Variants in RABEP1 observed in about 807,000 individuals in gnomAD.
The protein encoded by RABEP1 is rabaptin, RAB GTPase binding effector protein 1.
Under a neutral mutation model 123.4 loss-of-function variants are expected in RABEP1, and 51 were observed. The observed-to-expected ratio is 0.41, with a 90% CI of 0.33 to 0.52. The LOEUF (loss-of-function observed/expected upper bound fraction) is 0.52, where lower values mean the gene tolerates loss of function less well. Ranked by LOEUF, RABEP1 falls within the 20% of genes least tolerant of loss-of-function variation. The pLI is 0.16. For synonymous variants in RABEP1, 347 were observed against 355.2 expected (o/e 0.98, Z 0.26); for missense variants, 888 against 996.3 (o/e 0.89, Z 1.46).
chr17:5,324,297 A>T (rs142172064), intron 2 of RABEP1, among the ~76,000 whole-genome samples: 1 of 152,130 alleles, frequency 6.6e-6, no homozygotes, highest in Non-Finnish European at 1.5e-5. Flanking sequence ...TTTGCAGTCA[A>T]CTCATCTGCA....
At position 5,383,495 on chromosome 17, in the gene RABEP1, G is replaced by A. The variant is rs184092543; in HGVS notation, c.*272G>A. 3.9e-3 allele frequency: 1,577 copies of A among 400,050 alleles called. 9 individuals carry two copies. The highest frequency in any genetic ancestry group is 4.6e-3 in the Non-Finnish European group (1,015 of 218,342). The allele number at this position is 400,050 out of a possible 1,614,324, so 24.8% of individuals were successfully genotyped here. A position where few individuals can be genotyped will look rare whatever the true frequency, so the allele number is the denominator to read the frequency against. ...GATCAGATTTGGTGATGGAAAAAGC[G>A]CTGTTTCCTTGCCTGCTTTCTCCAA... is the stretch of plus-strand genomic sequence containing the variant. On this transcript the variant is annotated 3_prime_UTR_variant, in exon 18 of 18. Transcript: ENST00000537505.
chr17:5,296,140 A>G (rs1213956171), intron 1 of RABEP1, among the ~76,000 whole-genome samples: 1 of 152,128 alleles, frequency 6.6e-6, no homozygotes, highest in East Asian at 1.9e-4. Context: ...CTTGGTTGTG[A>G]TGGATTGTTA....
At chr17:5,381,991 G>A (rs1911507337) in intron 17 of RABEP1, among the ~76,000 whole-genome samples, 1 of 152,040 alleles carries the variant, frequency 6.6e-6, no homozygotes. Context: ...CCTCTGCCAT[G>A]CTCCCTCGGG....
intron 1 of RABEP1, among the ~76,000 whole-genome samples, chr17:5,295,535 A>G (rs1484662443): frequency 1.3e-5 from 2 of 148,256 alleles, no homozygotes; most frequent in Non-Finnish European, 3.0e-5. Flanking sequence ...ATCCTGATAC[A>G]TGTGTCTCTA....
At position 5,299,719 on chromosome 17, in the gene RABEP1, C is replaced by CTTTTTTTTTTTTTTTTT. The variant is rs146585957; in HGVS notation, c.35-8970_35-8969insTTTTTTTTTTTTTTTTT. ...TCATTTCTTTTTCTTTTTTTCTTTT[C>CTTTTTTTTTTTTTTTTT]TTTTTCTTTTTCTTTTTTTTTTTTT... is the stretch of plus-strand genomic sequence containing the variant. On this transcript the variant is annotated intron_variant, in intron 1 of 17. Transcript: ENST00000537505. Among the ~76,000 whole-genome samples the CTTTTTTTTTTTTTTTTT allele has an allele frequency of 9.9e-4, 98 of 98,822 alleles. 11 individuals are homozygous for CTTTTTTTTTTTTTTTTT. The highest frequency in any genetic ancestry group is 1.8e-3 in the South Asian group (3 of 1,650). 64.8% of individuals were successfully genotyped at this position (98,822 alleles called of 152,430 possible).
chr17:5,308,957 T>C, intron 2 of RABEP1, 135 bp downstream of exon 2: 2 of 949,244 alleles, frequency 2.1e-6, no homozygotes, highest in South Asian at 4.8e-5. Context: ...GAATACTGTT[T>C]AAAGGCTAGG....
intron 1 of RABEP1, among the ~76,000 whole-genome samples, chr17:5,299,587 G>GAATTCC (rs77865159): frequency 0.44 from 66,471 of 150,766 alleles, 15,469 homozygotes; most frequent in East Asian, 0.79. Flanking sequence ...ACGTGGTTCT[G>GAATTCC]AATTCATTTT....
intron 8 of RABEP1, chr17:5,356,687 C>T (rs113789083): frequency 6.6e-3 from 846 of 128,582 alleles, no homozygotes; most frequent in Middle Eastern, 0.019. Context: ...GGGTCTCACT[C>T]TCACCCAGGC....
intron 17 of RABEP1, among the ~76,000 whole-genome samples, chr17:5,382,831 A>G (rs1911592516): frequency 6.6e-6 from 1 of 151,988 alleles, no homozygotes; most frequent in South Asian, 2.1e-4. Flanking sequence ...GAGACAGGAG[A>G]ATCACTTGAA....
intron 1 of RABEP1, among the ~76,000 whole-genome samples, chr17:5,290,195 C>T (rs1166680192): frequency 9.9e-5 from 15 of 152,210 alleles, no homozygotes; most frequent in African/African-American, 3.4e-4. Context: ...TCACGCCATT[C>T]TCCTGCCTCA....
intron 1 of RABEP1, among the ~76,000 whole-genome samples, chr17:5,307,261 T>C (rs1274638130): frequency 6.6e-6 from 1 of 152,198 alleles, no homozygotes. Flanking sequence ...GAATTTGCGG[T>C]GAGCCGAGAT....
chr17:5,300,830 T>G (rs930455720), intron 1 of RABEP1, among the ~76,000 whole-genome samples: 1 of 152,154 alleles, frequency 6.6e-6, no homozygotes, highest in African/African-American at 2.4e-5. Flanking sequence ...TGAGAAGATA[T>G]GAAGTTGCTT....
intron 6 of RABEP1, among the ~76,000 whole-genome samples, 185 bp downstream of exon 6, chr17:5,347,110 G>C (rs1219911336): frequency 6.6e-6 from 1 of 152,112 alleles, no homozygotes; most frequent in Non-Finnish European, 1.5e-5. Flanking sequence ...CGTGAGCTCA[G>C]TAATAACTTC....
chr17:5,324,247 A>G (rs1905740076), intron 2 of RABEP1, among the ~76,000 whole-genome samples: 2 of 152,186 alleles, frequency 1.3e-5, no homozygotes, highest in African/African-American at 4.8e-5. Flanking sequence ...CACGTAGACT[A>G]ATGGAACAGA....
rs1020637942 is a variant in RABEP1 at position 5,282,573 on chromosome 17, G to T, written c.34+53G>T. 2.7e-6 allele frequency: 3 copies of T among 1,108,016 alleles called. No individual in the cohort carries two copies. In the African/African-American group the frequency reaches 5.0e-5, roughly 18 times the overall value. The allele number at this position is 1,108,016 out of a possible 1,614,324, so 68.6% of individuals were successfully genotyped here. On this transcript the variant is annotated intron_variant, in intron 1 of 17. Transcript: ENST00000537505. ...CGGGCGCGGCCTGCCCGGCGTCGGC[G>T]TCGCGGGAGGATTTCGGGGCGGGCA...
At chr17:5,381,739 T>C in intron 17 of RABEP1, 2 of 487,492 alleles carry the variant, frequency 4.1e-6, no homozygotes, top group Non-Finnish European at 6.8e-6. Context: ...ATGAGTAAAG[T>C]ACTGACTCCT....
intron 3 of RABEP1, among the ~76,000 whole-genome samples, chr17:5,332,712 G>A (rs1471894284): frequency 6.7e-6 from 1 of 150,130 alleles, no homozygotes; most frequent in African/African-American, 2.5e-5. Context: ...GGGCTCAAGC[G>A]ATTCTCCTGC....
chr17:5,286,813 C>T (rs1602914), intron 1 of RABEP1, among the ~76,000 whole-genome samples: 92,503 of 152,046 alleles, frequency 0.61, 29,834 homozygotes, highest in East Asian at 0.96. Flanking sequence ...GCAAATGATA[C>T]GGGTTGTTAG....
At chr17:5,298,048 G>A (rs761597863) in intron 1 of RABEP1, among the ~76,000 whole-genome samples, 10 of 152,286 alleles carry the variant, frequency 6.6e-5, no homozygotes, top group Non-Finnish European at 1.5e-4. Flanking sequence ...CATGTAGGCA[G>A]ATAGCTATTT....
Sources: allele counts gnomAD v4.1 joint callset (sites outside exome capture counted in the v4.1 genomes callset), GRCh38; gene constraint gnomAD v4.1.1; transcripts MANE v1.5; gene names NCBI Gene and HGNC (gene_info 2026-07-23, HGNC 2026-07-21).